SYN3: variants seen among roughly 807,000 people sequenced by gnomAD.
SYN3 encodes the protein synapsin-3.
SYN3 carries 35 observed loss-of-function variants against 65.8 expected under a neutral mutation model. The observed-to-expected ratio is 0.53, with a 90% CI of 0.41 to 0.70. The LOEUF (loss-of-function observed/expected upper bound fraction) is 0.70. Ranked by LOEUF, SYN3 falls within the 30% of genes least tolerant of loss-of-function variation. SYN3 has a pLI of 0.00. For synonymous variants in SYN3, 270 were observed against 292.9 expected, an observed-to-expected ratio of 0.92 and a Z score of 0.80; for missense variants, 680 against 749.0, an observed-to-expected ratio of 0.91 and a Z score of 1.08.
chr22:32,621,543 C>G (rs909437823), intron 6 of SYN3, among the ~76,000 whole-genome samples: 1 of 152,112 alleles, frequency 6.6e-6, no homozygotes, highest in African/African-American at 2.4e-5. Context: ...GGGTGCTGGT[C>G]TGCACAGGAG....
intron 3 of SYN3, among the ~76,000 whole-genome samples, chr22:32,935,914 T>C (rs2050763378): frequency 6.6e-6 from 1 of 152,252 alleles, no homozygotes; most frequent in Admixed American, 6.5e-5. Context: ...ACAGAGGTAA[T>C]GATATCAATA....
intron 6 of SYN3, among the ~76,000 whole-genome samples, chr22:32,715,312 C>T (rs2061022300): frequency 6.6e-6 from 1 of 152,200 alleles, no homozygotes; most frequent in African/African-American, 2.4e-5. Flanking sequence ...GTAATAAATA[C>T]AGCTGTTTAT....
chr22:32,777,659 A>G (rs2045941621), intron 6 of SYN3, among the ~76,000 whole-genome samples: 1 of 152,218 alleles, frequency 6.6e-6, no homozygotes, highest in Admixed American at 6.5e-5. Context: ...CCTCAGATTT[A>G]CAGGGAGAGA....
chr22:32,773,866 A>C (rs2045838896), intron 6 of SYN3, among the ~76,000 whole-genome samples: 1 of 152,034 alleles, frequency 6.6e-6, no homozygotes, highest in Admixed American at 6.6e-5. Context: ...GAGAGTGAGG[A>C]AGGGCTGCAG....
At chr22:32,957,174 T>A (rs2146862427) in intron 3 of SYN3, among the ~76,000 whole-genome samples, 1 of 152,308 alleles carries the variant, frequency 6.6e-6, no homozygotes, top group East Asian at 1.9e-4. Context: ...TTAAGCCCAG[T>A]GCTTTTAACT....
chr22:33,033,046 C>A (rs924259482), intron 1 of SYN3, among the ~76,000 whole-genome samples: 1 of 151,634 alleles, frequency 6.6e-6, no homozygotes, highest in Admixed American at 6.6e-5. Flanking sequence ...GAGTTTCGCT[C>A]TTGTTGCTGA....
chr22:32,857,101 A>G (rs2146284902), intron 6 of SYN3: 1 of 712,012 alleles, frequency 1.4e-6, no homozygotes, highest in East Asian at 2.7e-5. Flanking sequence ...GGCTATTGTG[A>G]ATATTGCTGC....
chr22:33,039,351 C>T (rs1291376517), intron 1 of SYN3, among the ~76,000 whole-genome samples: 3 of 150,980 alleles, frequency 2.0e-5, no homozygotes, highest in Non-Finnish European at 4.4e-5. Flanking sequence ...TCTCTTACTT[C>T]CTTAAGCTCT....
chr22:33,049,189 T>G (rs2054119135), intron 1 of SYN3, among the ~76,000 whole-genome samples: 1 of 152,180 alleles, frequency 6.6e-6, no homozygotes, highest in South Asian at 2.1e-4. Context: ...ACCCTTAGCT[T>G]CCTCTAATTT....
intron 4 of SYN3, among the ~76,000 whole-genome samples, chr22:32,909,106 A>C (rs1476561872): frequency 2.0e-5 from 3 of 152,072 alleles, no homozygotes; most frequent in African/African-American, 7.2e-5. Flanking sequence ...GGCATGCTAA[A>C]CCCTGGGAAA....
At chr22:32,914,333 T>G (rs996022617) in intron 4 of SYN3, among the ~76,000 whole-genome samples, 1 of 152,220 alleles carries the variant, frequency 6.6e-6, no homozygotes, top group Non-Finnish European at 1.5e-5. Context: ...ATTTAAATTC[T>G]GGCTTCTCCA....
intron 2 of SYN3, among the ~76,000 whole-genome samples, chr22:32,986,381 C>A (rs955130525): frequency 6.6e-6 from 1 of 152,150 alleles, no homozygotes; most frequent in African/African-American, 2.4e-5. Flanking sequence ...TTGATGAGAC[C>A]TCACCTTCCC....
intron 4 of SYN3, among the ~76,000 whole-genome samples, chr22:32,899,540 G>A (rs2049700349): frequency 6.6e-6 from 1 of 152,166 alleles, no homozygotes; most frequent in African/African-American, 2.4e-5. Flanking sequence ...TGGAGGTTAT[G>A]GGCCCACCAG....
At chr22:33,050,833 T>G (rs2054153460) in intron 1 of SYN3, among the ~76,000 whole-genome samples, 1 of 152,222 alleles carries the variant, frequency 6.6e-6, no homozygotes. Context: ...CCTTTAGCCT[T>G]GATTTGCACA....
rs147795942 is a variant in SYN3, at chr22:32,736,349, G to T, written c.711+128566C>A. Among the ~76,000 whole-genome samples, 104 of 152,312 alleles carry T rather than the reference G, an allele frequency of 6.8e-4. 3 individuals are homozygous for T. The East Asian group carries it at 0.019, about 29-fold the overall frequency. Reference sequence around the variant, plus strand: ...GAGTTTCATATAAAAGTGCAATTATGTGCAACTGGCTTGTTTTGCTCAGCA... The same window carrying T: ...GAGTTTCATATAAAAGTGCAATTATTTGCAACTGGCTTGTTTTGCTCAGCA... On this transcript the variant is annotated intron_variant, in intron 6 of 13. Coordinates refer to ENST00000358763, the MANE Select transcript of SYN3 (RefSeq NM_003490.4).
intron 10 of SYN3, among the ~76,000 whole-genome samples, chr22:32,533,140 T>A (rs2058105711): frequency 6.6e-6 from 1 of 151,942 alleles, no homozygotes; most frequent in Non-Finnish European, 1.5e-5. Context: ...AGGCATGGGC[T>A]GCTGGAGGGT....
chr22:33,055,832 C>T (rs146891591), intron 1 of SYN3, among the ~76,000 whole-genome samples: 400 of 152,294 alleles, frequency 2.6e-3, no homozygotes, highest in African/African-American at 9.0e-3. Context: ...TAATGTCTAT[C>T]TCCTCTAATA....
intron 6 of SYN3, among the ~76,000 whole-genome samples, chr22:32,818,772 T>G (rs1446663346): frequency 6.6e-6 from 1 of 152,172 alleles, no homozygotes; most frequent in Non-Finnish European, 1.5e-5. Context: ...TGCTTCCACC[T>G]GGATCTGGAG....
intron 7 of SYN3, among the ~76,000 whole-genome samples, chr22:32,589,074 A>G (rs2059092404): frequency 6.6e-6 from 1 of 152,210 alleles, no homozygotes; most frequent in Non-Finnish European, 1.5e-5. Context: ...CCGAGCTCCT[A>G]TTCTCAACAC....
Sources: gnomAD v4.1 joint callset for allele counts (sites outside exome capture counted in the v4.1 genomes callset) on GRCh38, gnomAD v4.1.1 for gene constraint, MANE v1.5 for transcripts, NCBI Gene and HGNC (gene_info 2026-07-23, HGNC 2026-07-21) for gene names.